The following SCHIP1 variants were observed in gnomAD, a reference collection of about 807,000 sequenced individuals.
SCHIP1 encodes the protein schwannomin-interacting protein 1.
Under a neutral mutation model 29.7 loss-of-function variants are expected in SCHIP1, and 8 were observed. That is an observed-to-expected ratio of 0.27 (90% CI 0.16 to 0.49). The LOEUF (loss-of-function observed/expected upper bound fraction) is 0.49. SCHIP1 is among the 20% of genes least tolerant of loss of function. SCHIP1 has a pLI of 0.99. For synonymous variants in SCHIP1, 76 were observed against 94.9 expected, an observed-to-expected ratio of 0.80 and a Z score of 1.16; for missense variants, 193 against 294.6, an observed-to-expected ratio of 0.66 and a Z score of 2.52.
chr3:159,740,274 G>A, the SCHIP1 span, among the ~76,000 whole-genome samples: 2 of 152,226 alleles, frequency 1.3e-5, no homozygotes, highest in African/African-American at 4.8e-5. Context: ...GGGAGGAGCT[G>A]GCTGCAGGCC....
chr3:159,697,903 C>A, the SCHIP1 span, among the ~76,000 whole-genome samples: 1 of 152,072 alleles, frequency 6.6e-6, no homozygotes, highest in Non-Finnish European at 1.5e-5. Context: ...TGTGATGGAG[C>A]AATTAAAATT....
the SCHIP1 span, among the ~76,000 whole-genome samples, chr3:159,492,379 G>C: frequency 6.6e-6 from 1 of 152,272 alleles, no homozygotes; most frequent in East Asian, 1.9e-4. Flanking sequence ...TGGGTAATTA[G>C]AATAACCAAT....
chr3:159,780,346 C>G, the SCHIP1 span, among the ~76,000 whole-genome samples: 1 of 152,178 alleles, frequency 6.6e-6, no homozygotes, highest in Non-Finnish European at 1.5e-5. Context: ...CCTGTTGATT[C>G]TGTGGGTTTG....
the SCHIP1 span, among the ~76,000 whole-genome samples, chr3:159,503,047 A>G: frequency 6.6e-6 from 1 of 152,180 alleles, no homozygotes; most frequent in Non-Finnish European, 1.5e-5. Flanking sequence ...GTGTTCCCAT[A>G]CTTTCCTTTT....
the SCHIP1 span, among the ~76,000 whole-genome samples, chr3:159,373,890 C>G: frequency 6.6e-6 from 1 of 152,090 alleles, no homozygotes; most frequent in Non-Finnish European, 1.5e-5. Context: ...TGAACAGGAG[C>G]ATACAGACAT....
At chr3:159,809,505 G>A in the SCHIP1 span, among the ~76,000 whole-genome samples, 3 of 152,036 alleles carry the variant, frequency 2.0e-5, no homozygotes, top group Non-Finnish European at 4.4e-5. Context: ...CCAGTAATGG[G>A]ATGGCTGGAT....
At chr3:159,884,401 A>C (rs1716768980) in intron 2 of SCHIP1, among the ~76,000 whole-genome samples, 1 of 143,520 alleles carries the variant, frequency 7.0e-6, no homozygotes, top group Non-Finnish European at 1.5e-5. Context: ...TTATGTATGT[A>C]TGTATATCCA....
chr3:159,381,130 T>C, the SCHIP1 span, among the ~76,000 whole-genome samples: 3,174 of 152,232 alleles, frequency 0.021, 299 homozygotes, highest in East Asian at 0.32. Flanking sequence ...GGGCAGTTTA[T>C]TTTTAGAGTT....
the SCHIP1 span, among the ~76,000 whole-genome samples, chr3:159,518,710 A>T: frequency 2.0e-5 from 3 of 152,154 alleles, no homozygotes; most frequent in African/African-American, 7.2e-5. Context: ...ATAGAAATGT[A>T]GGGGTCAGAG....
chr3:159,582,269 C>T, the SCHIP1 span, among the ~76,000 whole-genome samples: 10 of 152,040 alleles, frequency 6.6e-5, no homozygotes, highest in African/African-American at 2.4e-5. Flanking sequence ...CTTCCCGGCT[C>T]AAGAAATCTC....
At chr3:159,657,524 G>A in the SCHIP1 span, among the ~76,000 whole-genome samples, 1 of 152,176 alleles carries the variant, frequency 6.6e-6, no homozygotes, top group Non-Finnish European at 1.5e-5. Flanking sequence ...CATGTCAAGT[G>A]GAGAGAATAA....
At chr3:159,778,256 G>A in the SCHIP1 span, among the ~76,000 whole-genome samples, 2 of 152,122 alleles carry the variant, frequency 1.3e-5, no homozygotes, top group Admixed American at 1.3e-4. Context: ...GCCTCCCAAA[G>A]TGCTGGGATT....
chr3:159,397,618 C>T, the SCHIP1 span, among the ~76,000 whole-genome samples: 4 of 152,172 alleles, frequency 2.6e-5, no homozygotes, highest in South Asian at 4.1e-4. Flanking sequence ...GGGGTGCCTC[C>T]CAGTTAGGCT....
intron 2 of SCHIP1, among the ~76,000 whole-genome samples, chr3:159,873,599 A>G (rs1231019153): frequency 2.0e-5 from 3 of 152,224 alleles, no homozygotes; most frequent in Non-Finnish European, 4.4e-5. Context: ...CAGCAAAATA[A>G]TATTTGATGT....
At chr3:159,366,244 G>A in the SCHIP1 span, among the ~76,000 whole-genome samples, 26 of 152,168 alleles carry the variant, frequency 1.7e-4, no homozygotes, top group East Asian at 5.8e-4. Flanking sequence ...AACTCAGAGC[G>A]AGAGCTCACT....
chr3:159,371,963 A>T, the SCHIP1 span, among the ~76,000 whole-genome samples: 1 of 152,122 alleles, frequency 6.6e-6, no homozygotes, highest in African/African-American at 2.4e-5. Context: ...ACCTGTGTTA[A>T]TTTTTTTCTT....
the SCHIP1 span, among the ~76,000 whole-genome samples, chr3:159,650,776 A>G: frequency 6.6e-6 from 1 of 152,226 alleles, no homozygotes; most frequent in African/African-American, 2.4e-5. Flanking sequence ...TTGCAAGAGT[A>G]TCTTCAATCT....
At chr3:159,454,385 G>A in the SCHIP1 span, among the ~76,000 whole-genome samples, 1 of 152,130 alleles carries the variant, frequency 6.6e-6, no homozygotes, top group Non-Finnish European at 1.5e-5. Flanking sequence ...TGGGTGTGGT[G>A]GCCAGAATCT....
At chr3:159,445,795 A>G in the SCHIP1 span, among the ~76,000 whole-genome samples, 1 of 146,430 alleles carries the variant, frequency 6.8e-6, no homozygotes, top group Non-Finnish European at 1.5e-5. Context: ...CAAACACTGC[A>G]TGTTCTCACT....
Sources: allele counts gnomAD v4.1 joint callset (sites outside exome capture counted in the v4.1 genomes callset), GRCh38; gene constraint gnomAD v4.1.1; transcripts MANE v1.5; gene names NCBI Gene and HGNC (gene_info 2026-07-23, HGNC 2026-07-21).